Variants in BFSP2 observed in about 807,000 individuals in gnomAD.
The protein encoded by BFSP2 is beaded filament structural protein 2, also known as phakinin.
In BFSP2, 38 loss-of-function variants were observed where a neutral mutation model predicts 44.9. The ratio of observed to expected loss-of-function variants is 0.85; its 90% CI spans 0.65 to 1.11. The LOEUF is 1.11. Ranked by LOEUF, BFSP2 falls within the 50% of genes least tolerant of loss-of-function variation. BFSP2 has a pLI of 0.00. For missense variants in BFSP2, 525 were observed against 533.0 expected (o/e 0.99, Z 0.15); for synonymous variants, 197 against 209.9 (o/e 0.94, Z 0.53).
intron 1 of BFSP2, among the ~76,000 whole-genome samples, chr3:133,417,766 C>T (rs1297335588): frequency 1.8e-3 from 196 of 107,704 alleles, no homozygotes; most frequent in Middle Eastern, 8.2e-3. Context: ...ACCTCTGTCA[C>T]CTCTCCTCTA....
chr3:133,426,097 G>A (rs1576570335), intron 1 of BFSP2, among the ~76,000 whole-genome samples: 1 of 147,640 alleles, frequency 6.8e-6, no homozygotes, highest in South Asian at 2.2e-4. Flanking sequence ...TCTGGGTCCG[G>A]CTAACATTAA....
At chr3:133,470,953 T>C (rs964426234) in intron 5 of BFSP2, among the ~76,000 whole-genome samples, 1 of 151,526 alleles carries the variant, frequency 6.6e-6, no homozygotes, top group Admixed American at 6.6e-5. Context: ...TGGGGATGAG[T>C]AGGAGTGAGT....
At chr3:133,406,241 G>T (rs968197321) in intron 1 of BFSP2, among the ~76,000 whole-genome samples, 3 of 152,156 alleles carry the variant, frequency 2.0e-5, no homozygotes, top group African/African-American at 7.2e-5. Flanking sequence ...TCACAGGCGT[G>T]AGCCACCGTG....
chr3:133,469,604 A>T (rs2074143656), intron 5 of BFSP2, among the ~76,000 whole-genome samples: 1 of 152,230 alleles, frequency 6.6e-6, no homozygotes, highest in African/African-American at 2.4e-5. Flanking sequence ...CTGCAGAATA[A>T]GTGTGCTTCT....
chr3:133,463,662 G>A (rs1256079521), intron 4 of BFSP2, among the ~76,000 whole-genome samples: 1 of 152,206 alleles, frequency 6.6e-6, no homozygotes, highest in African/African-American at 2.4e-5. Context: ...GCATGCTTGA[G>A]CTCACTTGCC....
intron 1 of BFSP2, among the ~76,000 whole-genome samples, chr3:133,418,516 G>GA (rs1263955478): frequency 1.3e-5 from 2 of 152,124 alleles, no homozygotes; most frequent in Non-Finnish European, 2.9e-5. Flanking sequence ...GGCGCTCATG[G>GA]CAGCATCCAG....
chr3:133,409,292 T>C (rs912879912), intron 1 of BFSP2, among the ~76,000 whole-genome samples: 2 of 152,000 alleles, frequency 1.3e-5, no homozygotes, highest in African/African-American at 4.8e-5. Context: ...ACTATATTTG[T>C]GTTATTGAAA....
intron 4 of BFSP2, among the ~76,000 whole-genome samples, chr3:133,463,684 A>G (rs2074084708): frequency 2.6e-5 from 4 of 152,158 alleles, no homozygotes; most frequent in Admixed American, 2.6e-4. Context: ...AACTCCTGAG[A>G]TCTTATCAGG....
intron 1 of BFSP2, among the ~76,000 whole-genome samples, chr3:133,438,832 A>T (rs2086499941): frequency 6.6e-6 from 1 of 152,212 alleles, no homozygotes; most frequent in African/African-American, 2.4e-5. Flanking sequence ...TAGCCATGAT[A>T]CTTCAATTGC....
intron 1 of BFSP2, among the ~76,000 whole-genome samples, chr3:133,424,798 G>A (rs553277474): frequency 1.3e-5 from 2 of 152,184 alleles, no homozygotes; most frequent in South Asian, 2.1e-4. Context: ...ACCACTCCCC[G>A]CTAATTTTTG....
At position 133,424,218 on chromosome 3, in the gene BFSP2, T is replaced by TC. The variant is rs1473665826; in HGVS notation, c.490-23099_490-23098insC. 1.5e-3 allele frequency among the ~76,000 whole-genome samples: 98 copies of TC among 64,752 alleles called. 2 individuals carry two copies. The highest frequency in any genetic ancestry group is 2.6e-3 in the Non-Finnish European group (77 of 29,148). 42.5% of individuals were successfully genotyped at this position (64,752 alleles called of 152,430 possible). On this transcript the variant is annotated intron_variant, in intron 1 of 6. Transcript: ENST00000302334. ...CTACCACCGCGTCCAGCTAATTTTT[T>TC]TTTTTTTTTTTTTTTTTTTTTTTGT...
intron 1 of BFSP2, among the ~76,000 whole-genome samples, chr3:133,434,218 C>A (rs942979906): frequency 2.6e-5 from 4 of 152,162 alleles, no homozygotes; most frequent in African/African-American, 9.7e-5. Context: ...ATTCTTAGAC[C>A]TTTTATACCT....
rs7372238 is a variant in BFSP2, at chr3:133,414,720, C to T, written c.489+14148C>T. ...CTGCTCTACTCACCACTGCCCTATC[C>T]CCTCTACTTACCCCTGCCATTTCCC... On this transcript the variant is annotated intron_variant, in intron 1 of 6. Transcript: ENST00000302334. 1.3e-3 allele frequency among the ~76,000 whole-genome samples: 169 copies of T among 126,886 alleles called. 2 individuals carry two copies. The highest frequency in any genetic ancestry group is 4.3e-3 in the Middle Eastern group (1 of 234). 83.2% of individuals were successfully genotyped at this position (126,886 alleles called of 152,430 possible).
chr3:133,473,665 C>T (rs565742509), intron 6 of BFSP2, among the ~76,000 whole-genome samples: 2 of 151,144 alleles, frequency 1.3e-5, no homozygotes, highest in East Asian at 1.9e-4. Context: ...TGACTCTTAA[C>T]GAGCATGCTG....
chr3:133,405,448 AC>A (rs1173277059), intron 1 of BFSP2, among the ~76,000 whole-genome samples: 9 of 152,210 alleles, frequency 5.9e-5, no homozygotes, highest in Non-Finnish European at 1.2e-4. Flanking sequence ...TACTTGAAGA[AC>A]ATGCTGGAAA....
chr3:133,467,475 C>T (rs1266901543), intron 5 of BFSP2, among the ~76,000 whole-genome samples: 2 of 152,120 alleles, frequency 1.3e-5, no homozygotes, highest in Non-Finnish European at 2.9e-5. Context: ...TTTCCTCACT[C>T]CCCCTTTTCC....
intron 1 of BFSP2, among the ~76,000 whole-genome samples, chr3:133,415,832 T>TCCCTCTACTCACCCCTGCCCTCTC (rs2073520029): frequency 1.6e-4 from 7 of 43,792 alleles, no homozygotes; most frequent in East Asian, 8.7e-4. Flanking sequence ...CCTGCCCTCT[T>TCCCTCTACTCACCCCTGCCCTCTC]CCCTCTACTC....
At chr3:133,456,398 G>A (rs534800587) in intron 4 of BFSP2, among the ~76,000 whole-genome samples, 5 of 152,272 alleles carry the variant, frequency 3.3e-5, no homozygotes, top group African/African-American at 4.8e-5. Context: ...CTGAAATATC[G>A]CAATGATGGG....
At chr3:133,421,175 T>C (rs76390235) in intron 1 of BFSP2, among the ~76,000 whole-genome samples, 3,472 of 152,314 alleles carry the variant, frequency 0.023, 137 homozygotes, top group African/African-American at 0.079. Flanking sequence ...ATGATAAATA[T>C]TGGTTAAATC....
Sources: gnomAD v4.1 joint callset for allele counts (sites outside exome capture counted in the v4.1 genomes callset) on GRCh38, gnomAD v4.1.1 for gene constraint, MANE v1.5 for transcripts, NCBI Gene and HGNC (gene_info 2026-07-23, HGNC 2026-07-21) for gene names.